The following ANKRD26 variants were observed in gnomAD, a reference collection of about 807,000 sequenced individuals.
ANKRD26 encodes the protein ankyrin repeat domain-containing protein 26.
In ANKRD26, 141 loss-of-function variants were observed where a neutral mutation model predicts 208.7. The observed-to-expected ratio is 0.68, with a 90% CI of 0.59 to 0.78. The LOEUF is 0.78. ANKRD26 is among the 30% of genes least tolerant of loss of function. ANKRD26 has a pLI of 0.00. For missense variants in ANKRD26, 1,889 were observed against 1,938.7 expected (o/e 0.97, Z 0.48); for synonymous variants, 636 against 660.4 (o/e 0.96, Z 0.57).
intron 4 of ANKRD26, among the ~76,000 whole-genome samples, chr10:27,090,055 G>C (rs187464828): frequency 1.2e-4 from 18 of 152,170 alleles, no homozygotes; most frequent in Admixed American, 2.6e-4. Flanking sequence ...TCCATCCCTA[G>C]ACATATTAAG....
downstream of ANKRD26, among the ~76,000 whole-genome samples, chr10:26,970,867 G>C (rs1257126001): frequency 6.6e-6 from 1 of 152,218 alleles, no homozygotes; most frequent in Non-Finnish European, 1.5e-5. Context: ...AGGAGTTGCA[G>C]GTTGAGGAAA....
At chr10:27,041,749 A>C (rs1442890446) in intron 20 of ANKRD26, among the ~76,000 whole-genome samples, 1 of 152,198 alleles carries the variant, frequency 6.6e-6, no homozygotes, top group African/African-American at 2.4e-5. Flanking sequence ...AAATCCAAGC[A>C]GCTAATATAT....
rs1165703802 is a variant in ANKRD26 at position 27,013,052 on chromosome 10, T to C, written c.4783A>G (p.Arg1595Gly). 1 of 1,613,966 alleles carries C rather than the reference T, an allele frequency of 6.2e-7. No individual in the cohort carries two copies. Among genetic ancestry groups the C allele is most frequent in the Non-Finnish European group, 8.5e-7 (1 of 1,179,982 alleles). The change falls in exon 32 of 34, where the codon AGA (arginine) becomes GGA (glycine). Residue 1595 changes from arginine (R) to glycine (G), a missense_variant. Physicochemically the swap from Arg to Gly is moderately radical, Grantham distance 125 (BLOSUM62 -2). Coordinates refer to ENST00000376087, the MANE Select transcript of ANKRD26 (RefSeq NM_014915.3). ...TKLLVEKQQS[R>G]SLFTTLTTRP... ...GTAGTGAGAGTGGTGAACAAAGATC[T>C]GCTCTGCTGTTTTTCCACAAGAAGT... is the stretch of plus-strand genomic sequence containing the variant.
chr10:26,994,466 T>C (rs2052546971), intron 5 of ANKRD26, among the ~76,000 whole-genome samples: 1 of 152,188 alleles, frequency 6.6e-6, no homozygotes, highest in African/African-American at 2.4e-5. Context: ...GTTCACATCA[T>C]ATTTCAGTTT....
At chr10:27,098,838 C>T (rs1008244527) in intron 1 of ANKRD26, among the ~76,000 whole-genome samples, 8 of 152,150 alleles carry the variant, frequency 5.3e-5, no homozygotes, top group Admixed American at 2.0e-4. Context: ...CGTGAGACAC[C>T]GCGCCTGGCC....
chr10:26,977,724 A>G (rs537090727), intron 5 of ANKRD26, among the ~76,000 whole-genome samples: 9 of 152,202 alleles, frequency 5.9e-5, no homozygotes, highest in Non-Finnish European at 1.3e-4. Context: ...CTGATTTAAT[A>G]CAGGATTCAC....
chr10:27,032,771 T>A (rs1355610836), intron 25 of ANKRD26, among the ~76,000 whole-genome samples: 1 of 151,462 alleles, frequency 6.6e-6, no homozygotes, highest in Non-Finnish European at 1.5e-5. Context: ...GCTGAGACAG[T>A]GCCACTGTAC....
rs527974176 is a variant in ANKRD26, at chr10:27,022,617, C to T, written c.4156G>A (p.Gly1386Arg). The T allele has an allele frequency of 2.1e-5, 33 of 1,562,992 alleles. No homozygotes were observed. The highest frequency in any genetic ancestry group is 2.7e-5 in the Non-Finnish European group (31 of 1,138,782). The stretch of plus-strand genomic sequence containing the variant: ...TCAAATTGACTAGTTTTTAAATCTC[C>T]ATGGAAACTAAATTCTCCATTTTCA... ...EYENGEFSFHGDLKTSQFEMD... is the reference protein window; with the variant it reads ...EYENGEFSFHRDLKTSQFEMD... The change falls in exon 29 of 34, where the codon GGA becomes AGA. Residue 1386 changes from glycine to arginine, a missense_variant. Physicochemically the swap from Gly to Arg is moderately radical, Grantham distance 125. Transcript: ENST00000376087.
chr10:26,997,686 G>A (rs1359187882), intron 4 of ANKRD26, among the ~76,000 whole-genome samples: 1 of 152,176 alleles, frequency 6.6e-6, no homozygotes, highest in African/African-American at 2.4e-5. Flanking sequence ...AAAATCCCTC[G>A]TGGCCTTTGG....
chr10:26,995,355 G>A (rs932950683), intron 4 of ANKRD26, among the ~76,000 whole-genome samples: 3 of 152,178 alleles, frequency 2.0e-5, no homozygotes, highest in Admixed American at 2.0e-4. Context: ...GGAAGTGGCT[G>A]ATGTTGCTCT....
At chr10:26,994,863 C>G (rs2052555115) in intron 5 of ANKRD26, among the ~76,000 whole-genome samples, 1 of 152,170 alleles carries the variant, frequency 6.6e-6, no homozygotes, top group Non-Finnish European at 1.5e-5. Flanking sequence ...ATGTTCACAA[C>G]CTTGTGAACA....
chr10:27,043,275 A>G lies in ANKRD26; in HGVS notation c.2161+151T>C. On this transcript the variant is annotated intron_variant, in intron 20 of 33. Transcript: ENST00000376087. The stretch of plus-strand genomic sequence containing the variant: ...AAAGGAATAATATCAAGAATATATC[A>G]TATAAAGAACTCTTCAGCTTTGCAC... 5.0e-6 allele frequency: 4 copies of G among 806,218 alleles called. No homozygotes were observed. In the South Asian group the frequency reaches 5.0e-5, roughly 10 times the overall value. 49.9% of individuals were successfully genotyped at this position (806,218 alleles called of 1,614,324 possible).
downstream of ANKRD26, among the ~76,000 whole-genome samples, chr10:26,972,778 G>T (rs1212861037): frequency 6.6e-6 from 1 of 151,934 alleles, no homozygotes; most frequent in Non-Finnish European, 1.5e-5. Flanking sequence ...TTTTAGTAGA[G>T]ACGGGGTTTC....
downstream of ANKRD26, among the ~76,000 whole-genome samples, chr10:26,991,012 C>T (rs1050584178): frequency 1.3e-5 from 2 of 152,178 alleles, no homozygotes; most frequent in East Asian, 1.9e-4. Flanking sequence ...CAGACAAGCT[C>T]GACTTCCTTG....
intron 4 of ANKRD26, among the ~76,000 whole-genome samples, chr10:26,996,888 G>T (rs1188083095): frequency 6.6e-6 from 1 of 152,084 alleles, no homozygotes; most frequent in Non-Finnish European, 1.5e-5. Context: ...CTCCGCTAAT[G>T]TTTCCTTTTT....
intron 30 of ANKRD26, among the ~76,000 whole-genome samples, chr10:27,015,432 G>A (rs1254696511): frequency 2.0e-5 from 3 of 152,250 alleles, no homozygotes; most frequent in African/African-American, 7.2e-5. Flanking sequence ...CTTGGGCCCT[G>A]CTGTTTAACC....
chr10:27,016,559 G>A (rs977583801), intron 30 of ANKRD26, among the ~76,000 whole-genome samples: 3 of 150,578 alleles, frequency 2.0e-5, no homozygotes, highest in Admixed American at 6.7e-5. Context: ...TTACAGGCAT[G>A]AGCCACCGTG....
chr10:27,098,891 C>T (rs2056554924), intron 1 of ANKRD26, among the ~76,000 whole-genome samples: 1 of 152,126 alleles, frequency 6.6e-6, no homozygotes, highest in African/African-American at 2.4e-5. Flanking sequence ...TAACACAAGA[C>T]CACAGTCTGT....
chr10:27,068,735 C>T (rs2135508684), intron 9 of ANKRD26, among the ~76,000 whole-genome samples: 1 of 152,066 alleles, frequency 6.6e-6, no homozygotes, highest in South Asian at 2.1e-4. Flanking sequence ...TCAGAAAGGT[C>T]ACCCTGGCAG....
Sources: gnomAD v4.1 joint callset for allele counts (sites outside exome capture counted in the v4.1 genomes callset) on GRCh38, gnomAD v4.1.1 for gene constraint, MANE v1.5 for transcripts, NCBI Gene and HGNC (gene_info 2026-07-23, HGNC 2026-07-21) for gene names.